SGMS2: variants seen among roughly 807,000 people sequenced by gnomAD.
The protein encoded by SGMS2 is phosphatidylcholine:ceramide cholinephosphotransferase 2.
A neutral mutation model predicts 43.8 loss-of-function variants in SGMS2; 21 were observed. The ratio of observed to expected loss-of-function variants is 0.48; its 90% CI spans 0.34 to 0.69. The LOEUF (loss-of-function observed/expected upper bound fraction) is 0.69, where lower values mean the gene tolerates loss of function less well. Ranked by LOEUF, SGMS2 falls within the 30% of genes least tolerant of loss-of-function variation. The pLI, the probability that SGMS2 is intolerant of heterozygous loss-of-function variation, is 0.01. For missense variants in SGMS2, 384 were observed against 443.2 expected (o/e 0.87, Z 1.20); for synonymous variants, 167 against 160.6 (o/e 1.04, Z -0.30).
At chr4:107,850,631 C>A (rs1044650292) in intron 1 of SGMS2, among the ~76,000 whole-genome samples, 13 of 152,162 alleles carry the variant, frequency 8.5e-5, no homozygotes, top group African/African-American at 2.7e-4. Flanking sequence ...GTAACATTTA[C>A]TCCTTTCACT....
At chr4:107,905,334 G>A (rs1731464152) in intron 5 of SGMS2, among the ~76,000 whole-genome samples, 1 of 152,080 alleles carries the variant, frequency 6.6e-6, no homozygotes, top group African/African-American at 2.4e-5. Flanking sequence ...AGAACAGTAT[G>A]GGGGAAACCA....
chr4:107,867,072 T>C (rs577591728), intron 2 of SGMS2: 6 of 152,208 alleles, frequency 3.9e-5, no homozygotes, highest in African/African-American at 1.4e-4. Context: ...CCCTCTAAAA[T>C]AGAAGGAAAA....
intron 1 of SGMS2, among the ~76,000 whole-genome samples, chr4:107,833,043 C>T (rs559376100): frequency 1.3e-5 from 2 of 152,022 alleles, no homozygotes; most frequent in Non-Finnish European, 2.9e-5. Context: ...AGAAAAAAGA[C>T]GTTGATACTA....
chr4:107,854,842 G>A (rs1727329738), intron 1 of SGMS2, among the ~76,000 whole-genome samples: 1 of 152,210 alleles, frequency 6.6e-6, no homozygotes. Flanking sequence ...TCATATGGCG[G>A]TCTTCCCTGG....
chr4:107,903,558 T>C (rs1029995097), intron 5 of SGMS2, among the ~76,000 whole-genome samples, 172 bp downstream of exon 5: 11 of 152,060 alleles, frequency 7.2e-5, no homozygotes, highest in Admixed American at 1.3e-4. Flanking sequence ...TGTGTCTGTA[T>C]ATATATAAAA....
At chr4:107,838,575 A>T (rs368600297) in intron 1 of SGMS2, among the ~76,000 whole-genome samples, 9 of 152,218 alleles carry the variant, frequency 5.9e-5, no homozygotes, top group African/African-American at 2.2e-4. Flanking sequence ...TAATTCTAGT[A>T]CAATATCAAA....
Position 107,903,367 on chromosome 4 carries a change from T to G in SGMS2, c.708T>G (p.Thr236=), listed in dbSNP as rs753590035. ...FSGHTVTLTL[T]YLFIKEYSPR... ...GTCACACGGTTACGCTGACACTGAC[T>G]TATTTGTTCATCAAAGAATGTAAGT... The change falls in exon 5 of 7, where the codon ACT becomes ACG. Residue 236 remains threonine, a synonymous_variant. Transcript: ENST00000690982. 3.5e-5 allele frequency: 56 copies of G among 1,613,832 alleles called. No homozygotes were observed. Among genetic ancestry groups the G allele is most frequent in the Non-Finnish European group, 3.6e-5 (42 of 1,179,910 alleles).
At chr4:107,874,262 A>C (rs943619351) in intron 2 of SGMS2, among the ~76,000 whole-genome samples, 1 of 152,170 alleles carries the variant, frequency 6.6e-6, no homozygotes, top group Non-Finnish European at 1.5e-5. Flanking sequence ...AGCTCTGTAC[A>C]GGGGGCATTA....
At chr4:107,904,212 A>G (rs1731361904) in intron 5 of SGMS2, among the ~76,000 whole-genome samples, 1 of 152,142 alleles carries the variant, frequency 6.6e-6, no homozygotes, top group Admixed American at 6.5e-5. Flanking sequence ...GCTGGTCAGT[A>G]TTACCCTTCA....
At chr4:107,883,319 T>C (rs1729501798) in intron 2 of SGMS2, among the ~76,000 whole-genome samples, 1 of 151,720 alleles carries the variant, frequency 6.6e-6, no homozygotes, top group Non-Finnish European at 1.5e-5. Context: ...TTGATACTTC[T>C]TTTTTTTATT....
At chr4:107,864,611 G>A (rs1727979752) in intron 2 of SGMS2, among the ~76,000 whole-genome samples, 1 of 152,116 alleles carries the variant, frequency 6.6e-6, no homozygotes, top group African/African-American at 2.4e-5. Flanking sequence ...AAAAATATGT[G>A]TTTTTAATTG....
chr4:107,877,681 G>T (rs943894428), intron 2 of SGMS2, among the ~76,000 whole-genome samples: 1 of 152,074 alleles, frequency 6.6e-6, no homozygotes, highest in East Asian at 1.9e-4. Flanking sequence ...GATTTTTTGT[G>T]AATTAGTAAA....
Position 107,898,094 on chromosome 4 carries a change from T to A in SGMS2, c.456-1481T>A, listed in dbSNP as rs1470362912. ...CACTCTGTTGGAACCTGAGGTTGGA[T>A]CAAAGGCTAAATTGGTTTTCCCTTA... On this transcript the variant is annotated intron_variant, in intron 3 of 6. Transcript: ENST00000690982. 3.9e-5 allele frequency among the ~76,000 whole-genome samples: 6 copies of A among 152,176 alleles called. No homozygotes were observed. The East Asian group carries it at 1.2e-3, about 29-fold the overall frequency.
In SGMS2 at chr4:107,913,874, C is replaced by T. The variant is rs1197825153; in HGVS notation, c.*3321C>T. 5 of 152,084 alleles carry T rather than the reference C, an allele frequency of 3.3e-5. No homozygotes were observed. Among genetic ancestry groups the T allele is most frequent in the African/African-American group, 1.2e-4 (5 of 41,434 alleles). 9.4% of individuals were successfully genotyped at this position (152,084 alleles called of 1,614,324 possible). ...TTAGTTGAAAGTTCACATCTTGCCC[C>T]TTGAATAGTTTGAACATTTCTTTCT... On this transcript the variant is annotated 3_prime_UTR_variant, in exon 7 of 7. Coordinates refer to ENST00000690982, the MANE Select transcript of SGMS2 (RefSeq NM_001375905.1).
chr4:107,847,443 T>C (rs927704824), intron 1 of SGMS2, among the ~76,000 whole-genome samples: 2 of 152,040 alleles, frequency 1.3e-5, no homozygotes, highest in African/African-American at 4.8e-5. Flanking sequence ...GCGTTATTTC[T>C]GAGGGCTCTG....
chr4:107,871,879 G>A (rs920431920), intron 2 of SGMS2, among the ~76,000 whole-genome samples: 1 of 151,890 alleles, frequency 6.6e-6, no homozygotes, highest in Admixed American at 6.6e-5. Flanking sequence ...TTCTTCCTCT[G>A]CTTATAATAT....
At chr4:107,892,796 C>T (rs1030871031) in intron 2 of SGMS2, among the ~76,000 whole-genome samples, 4 of 152,104 alleles carry the variant, frequency 2.6e-5, no homozygotes, top group Non-Finnish European at 4.4e-5. Context: ...TCTCCATGAG[C>T]AGATGTGTGA....
At chr4:107,905,606 C>T (rs1485364942) in intron 5 of SGMS2, among the ~76,000 whole-genome samples, 1 of 152,158 alleles carries the variant, frequency 6.6e-6, no homozygotes, top group Non-Finnish European at 1.5e-5. Context: ...GAGAAAGTGA[C>T]TTGGCCACAG....
At chr4:107,834,458 A>G (rs777090852) in intron 1 of SGMS2, among the ~76,000 whole-genome samples, 3 of 152,176 alleles carry the variant, frequency 2.0e-5, no homozygotes, top group Non-Finnish European at 2.9e-5. Flanking sequence ...CATCCTATGT[A>G]GTTGTGTCAT....
Sources: gnomAD v4.1 joint callset for allele counts (sites outside exome capture counted in the v4.1 genomes callset) on GRCh38, gnomAD v4.1.1 for gene constraint, MANE v1.5 for transcripts, NCBI Gene and HGNC (gene_info 2026-07-23, HGNC 2026-07-21) for gene names.